DEPDC1B: variants seen among roughly 807,000 people sequenced by gnomAD.
DEPDC1B encodes DEP domain containing 1B.
In DEPDC1B, 51 loss-of-function variants were observed where a neutral mutation model predicts 66.5. That is an observed-to-expected ratio of 0.77 (90% CI 0.61 to 0.97). DEPDC1B has a LOEUF of 0.97. DEPDC1B is among the 50% of genes least tolerant of loss of function. The pLI is 0.00. For synonymous variants in DEPDC1B, 226 were observed against 223.6 expected (o/e 1.01, Z -0.10); for missense variants, 552 against 637.1 (o/e 0.87, Z 1.44).
chr5:60,602,240 CAG>C (rs1431984702), intron 9 of DEPDC1B, among the ~76,000 whole-genome samples: 2 of 137,740 alleles, frequency 1.5e-5, no homozygotes, highest in East Asian at 3.9e-4. Flanking sequence ...AGACAGCAGA[CAG>C]ACACAGAAAA....
intron 2 of DEPDC1B, among the ~76,000 whole-genome samples, chr5:60,669,285 A>G (rs551702318): frequency 6.6e-6 from 1 of 152,216 alleles, no homozygotes; most frequent in Admixed American, 6.5e-5. Context: ...TCAATGATTT[A>G]AAGCCCTTTT....
chr5:60,700,145 C>G lies in DEPDC1B; in HGVS notation c.-52G>C, dbSNP rs1267228307. 2.6e-6 allele frequency: 4 copies of G among 1,522,298 alleles called. No homozygotes were observed. The highest frequency in any genetic ancestry group is 1.4e-5 in the African/African-American group (1 of 70,918). The allele number at this position is 1,522,298 out of a possible 1,614,324, so 94.3% of individuals were successfully genotyped here. ...CGCGCCAGCGCTGATCCCCGCCAGC[C>G]GGAGGAGCAGCAGTTTGAATCCCAA... On this transcript the variant is annotated 5_prime_UTR_variant, in exon 1 of 11. Coordinates refer to ENST00000265036, the MANE Select transcript of DEPDC1B (RefSeq NM_018369.3).
chr5:60,646,832 C>T (rs965706318), intron 3 of DEPDC1B, among the ~76,000 whole-genome samples: 1 of 152,082 alleles, frequency 6.6e-6, no homozygotes, highest in Non-Finnish European at 1.5e-5. Context: ...CTCATAGGAG[C>T]GTGAACCCTT....
chr5:60,690,695 C>T (rs548321347), intron 1 of DEPDC1B, among the ~76,000 whole-genome samples: 35 of 151,980 alleles, frequency 2.3e-4, no homozygotes, highest in Middle Eastern at 6.8e-3. Flanking sequence ...ATTTTTCTGA[C>T]GTCATCTTTT....
intron 2 of DEPDC1B, among the ~76,000 whole-genome samples, chr5:60,668,537 A>G (rs1753956646): frequency 1.3e-5 from 2 of 151,962 alleles, no homozygotes; most frequent in Admixed American, 6.6e-5. Context: ...CGGCCTCCCA[A>G]AATGCTGGGA....
chr5:60,697,892 C>A (rs987587630), intron 1 of DEPDC1B, among the ~76,000 whole-genome samples: 4 of 152,116 alleles, frequency 2.6e-5, no homozygotes, highest in African/African-American at 9.7e-5. Context: ...TTTAATTAAA[C>A]AAATTCCTTT....
At chr5:60,633,299 C>T (rs1180554650) in intron 7 of DEPDC1B, among the ~76,000 whole-genome samples, 1 of 152,192 alleles carries the variant, frequency 6.6e-6, no homozygotes, top group East Asian at 1.9e-4. Context: ...GGCCCTGCTG[C>T]CTTCCTTGCC....
At position 60,597,448 on chromosome 5, in the gene DEPDC1B, C is replaced by T. The variant is rs575979454; in HGVS notation, c.*305G>A. ...TATATACACAATTATTTAATAAACA[C>T]CATGAAAAAGAAAGCACAGAGATAA... On this transcript the variant is annotated 3_prime_UTR_variant, in exon 11 of 11. Transcript: ENST00000265036. 54 of 246,476 alleles carry T rather than the reference C, an allele frequency of 2.2e-4. No homozygotes were observed. Among genetic ancestry groups the T allele is most frequent in the Non-Finnish European group, 3.4e-4 (44 of 129,932 alleles). 15.3% of individuals were successfully genotyped at this position (246,476 alleles called of 1,614,324 possible).
chr5:60,668,259 A>ATATATATATATATATAAAATGGATATTT lies in DEPDC1B; in HGVS notation c.314+18702_314+18703insAAATATCCATTTTATATATATATATATA, dbSNP rs1561385204. Among the ~76,000 whole-genome samples, 51 of 37,912 alleles carry ATATATATATATATATAAAATGGATATTT rather than the reference A, an allele frequency of 1.3e-3. 8 individuals carry two copies. The highest frequency in any genetic ancestry group is 3.6e-3 in the African/African-American group (45 of 12,440). 24.9% of individuals were successfully genotyped at this position (37,912 alleles called of 152,430 possible). A position where few individuals can be genotyped will look rare whatever the true frequency, so the allele number is the denominator to read the frequency against. On this transcript the variant is annotated intron_variant, in intron 2 of 10. Transcript: ENST00000265036. The stretch of plus-strand genomic sequence containing the variant: ...TATATATATATATAAAATGGATATT[A>ATATATATATATATATAAAATGGATATTT]TATATATATATATATATATGTATTT...
At chr5:60,648,844 T>C (rs1753379429) in intron 2 of DEPDC1B, among the ~76,000 whole-genome samples, 1 of 152,214 alleles carries the variant, frequency 6.6e-6, no homozygotes, top group South Asian at 2.1e-4. Flanking sequence ...AGCCAAAGCA[T>C]CTTTCTTTAT....
Position 60,597,917 on chromosome 5 carries a change from A to G in DEPDC1B, c.1429-3T>C, listed in dbSNP as rs1322114205. On this transcript the variant is annotated splice_polypyrimidine_tract_variant and splice_region_variant and intron_variant, in intron 10 of 10. Transcript: ENST00000265036. ...ACTTCAGGATAGGATTTCTGAAACT[A>G]AAAAAATGAATGGTCCAAGAAGAGT... is the stretch of plus-strand genomic sequence containing the variant. 1 of 1,589,080 alleles carries G rather than the reference A, an allele frequency of 6.3e-7. No homozygotes were observed. The highest frequency in any genetic ancestry group is 8.5e-7 in the Non-Finnish European group (1 of 1,173,604).
intron 7 of DEPDC1B, among the ~76,000 whole-genome samples, chr5:60,609,449 G>A (rs1584024534): frequency 6.6e-6 from 1 of 152,274 alleles, no homozygotes. Context: ...TTCTAGCAGT[G>A]GAGGAGCCAC....
At chr5:60,620,470 G>T (rs1016848023) in intron 7 of DEPDC1B, among the ~76,000 whole-genome samples, 1 of 152,288 alleles carries the variant, frequency 6.6e-6, no homozygotes, top group African/African-American at 2.4e-5. Flanking sequence ...CCATCAACAA[G>T]TAGGCGAAGG....
At chr5:60,605,640 AGTC>A (rs1292518525) in intron 8 of DEPDC1B, 47 bp downstream of exon 8, 6 of 1,584,954 alleles carry the variant, frequency 3.8e-6, no homozygotes, top group East Asian at 2.2e-5. Flanking sequence ...CACCTTACTC[AGTC>A]GACTTTCATT....
intron 7 of DEPDC1B, among the ~76,000 whole-genome samples, chr5:60,612,875 T>A (rs1042368756): frequency 6.6e-6 from 1 of 152,154 alleles, no homozygotes; most frequent in African/African-American, 2.4e-5. Flanking sequence ...AGGATGTCAA[T>A]CATATTGTTC....
At chr5:60,688,649 C>T (rs1371117975) in intron 1 of DEPDC1B, among the ~76,000 whole-genome samples, 3 of 152,118 alleles carry the variant, frequency 2.0e-5, no homozygotes, top group Non-Finnish European at 2.9e-5. Context: ...TGAGTGAGTA[C>T]GTTGGAAAGA....
chr5:60,649,480 G>GA (rs74553644), intron 2 of DEPDC1B, among the ~76,000 whole-genome samples: 14,184 of 152,146 alleles, frequency 0.093, 1,245 homozygotes, highest in African/African-American at 0.22. Flanking sequence ...CTTTGTCTGA[G>GA]AAAAAATGCA....
intron 2 of DEPDC1B, among the ~76,000 whole-genome samples, chr5:60,665,425 C>G (rs1165880494): frequency 6.6e-6 from 1 of 152,188 alleles, no homozygotes; most frequent in African/African-American, 2.4e-5. Context: ...CTTTAACCTC[C>G]TTGTTAAGTT....
At chr5:60,650,549 G>A (rs923369838) in intron 2 of DEPDC1B, among the ~76,000 whole-genome samples, 8 of 152,110 alleles carry the variant, frequency 5.3e-5, no homozygotes, top group African/African-American at 9.7e-5. Context: ...AATGTCTTCC[G>A]CAAAATGGCC....
Sources: allele counts gnomAD v4.1 joint callset (sites outside exome capture counted in the v4.1 genomes callset), GRCh38; gene constraint gnomAD v4.1.1; transcripts MANE v1.5; gene names NCBI Gene and HGNC (gene_info 2026-07-23, HGNC 2026-07-21).